CLCA4: variants seen among roughly 807,000 people sequenced by gnomAD.
The protein encoded by CLCA4 is calcium-activated chloride channel regulator 4.
A neutral mutation model predicts 78.9 loss-of-function variants in CLCA4; 69 were observed. The observed-to-expected ratio is 0.87, with a 90% confidence interval of 0.72 to 1.07. The LOEUF is 1.07. CLCA4 is among the 50% of genes least tolerant of loss of function. CLCA4 has a pLI of 0.00. For missense variants in CLCA4, 1,133 were observed against 1,095.8 expected, an observed-to-expected ratio of 1.03 and a Z score of -0.48; for synonymous variants, 362 against 375.8, an observed-to-expected ratio of 0.96 and a Z score of 0.42.
Position 86,574,617 on chromosome 1 carries a change from G to C in CLCA4, c.1545G>C (p.Lys515Asn), listed in dbSNP as rs765750211. ...TCATAATTGATAGTACAGTGGGAAA[G>C]GACACGTTCTTTCTCATCACATGGA... Reference protein sequence around the residue: ...DTVIIDSTVGKDTFFLITWNS... With the variant: ...DTVIIDSTVGNDTFFLITWNS... The change falls in exon 10 of 14, where the codon AAG becomes AAC. Residue 515 changes from lysine (K) to asparagine (N), a missense_variant. By Grantham distance (94) the Lys-to-Asn change is moderately conservative (BLOSUM62 0). Coordinates refer to ENST00000370563, the MANE Select transcript of CLCA4 (RefSeq NM_012128.4). The C allele has an allele frequency of 1.2e-6, 2 of 1,613,160 alleles. No homozygotes were observed. The highest frequency in any genetic ancestry group is 1.7e-6 in the Non-Finnish European group (2 of 1,179,516).
chr1:86,579,948 G>T lies in CLCA4; in HGVS notation c.2363G>T (p.Arg788Leu). 6.3e-7 allele frequency: 1 copy of T among 1,576,778 alleles called. No individual in the cohort carries two copies. Among genetic ancestry groups the T allele is most frequent in the Non-Finnish European group, 8.6e-7 (1 of 1,160,064 alleles). The change falls in exon 14 of 14, where the codon CGT (arginine) becomes CTT (leucine). Residue 788 changes from arginine to leucine, a missense_variant. Transcript: ENST00000370563. ...TGTAACTTTTTTTTCTCAGTTCAAC[G>T]TTATATCATAAGAATAAGTGCAAGT... ...GDNFDVGKVQ[R>L]YIIRISASIL... is the part of the protein sequence containing the mutation.
chr1:86,552,154 A>G (rs1250706761), intron 1 of CLCA4, among the ~76,000 whole-genome samples: 1 of 152,216 alleles, frequency 6.6e-6, no homozygotes, highest in African/African-American at 2.4e-5. Flanking sequence ...TAGAAAAAAT[A>G]TACTTTTAAG....
At chr1:86,570,004 A>G (rs1650301500) in intron 7 of CLCA4, among the ~76,000 whole-genome samples, 1 of 152,046 alleles carries the variant, frequency 6.6e-6, no homozygotes, top group Admixed American at 6.6e-5. Context: ...TACAAATGCC[A>G]TAAATGTATA....
intron 1 of CLCA4, among the ~76,000 whole-genome samples, chr1:86,551,197 G>C (rs1298191604): frequency 2.0e-5 from 3 of 152,032 alleles, no homozygotes; most frequent in African/African-American, 4.8e-5. Context: ...AATATTAATA[G>C]TTTAGCTAAT....
At chr1:86,560,559 C>A (rs1442971299) in intron 3 of CLCA4, among the ~76,000 whole-genome samples, 3 of 152,084 alleles carry the variant, frequency 2.0e-5, no homozygotes, top group Admixed American at 6.6e-5. Context: ...GGAGTTTCTA[C>A]CTTGTAAAAT....
At chr1:86,555,383 G>T (rs548510420) in intron 1 of CLCA4, among the ~76,000 whole-genome samples, 1 of 152,122 alleles carries the variant, frequency 6.6e-6, no homozygotes, top group Non-Finnish European at 1.5e-5. Context: ...TTTTATACAT[G>T]GTGTAAGGAA....
chr1:86,567,139 A>C (rs1050348385), intron 6 of CLCA4, among the ~76,000 whole-genome samples: 1 of 151,882 alleles, frequency 6.6e-6, no homozygotes, highest in African/African-American at 2.4e-5. Context: ...CCTCACCCCA[A>C]TTTCAATGCA....
In CLCA4 at chr1:86,568,693, T is replaced by C. The variant is rs993121138; in HGVS notation, c.1182+1042T>C. On this transcript the variant is annotated intron_variant, in intron 7 of 13. Coordinates refer to ENST00000370563, the MANE Select transcript of CLCA4 (RefSeq NM_012128.4). ...TACACACATTGTTCTCCAAGTCCAC[T>C]GTGTACTAACAGCCTCCAAACCTTT... Among the ~76,000 whole-genome samples, 4 of 151,992 alleles carry C rather than the reference T, an allele frequency of 2.6e-5. No homozygotes were observed. The South Asian group carries it at 8.3e-4, about 31-fold the overall frequency.
chr1:86,564,670 T>C (rs1198708436), intron 4 of CLCA4, among the ~76,000 whole-genome samples: 1 of 152,184 alleles, frequency 6.6e-6, no homozygotes, highest in African/African-American at 2.4e-5. Context: ...CATCTCAGCA[T>C]ATTTGTTGTA....
intron 3 of CLCA4, 22 bp from the exon 4 acceptor site, chr1:86,563,639 T>C (rs1429889704): frequency 8.1e-7 from 1 of 1,227,322 alleles, no homozygotes; most frequent in Non-Finnish European, 1.2e-6. Context: ...TATGATCATG[T>C]ATTTGAAATG....
rs1650659197 is a variant in CLCA4, at chr1:86,580,008, T to A, written c.2423T>A (p.Leu808His). The A allele has an allele frequency of 6.2e-7, 1 of 1,608,450 alleles. No homozygotes were observed. Among genetic ancestry groups the A allele is most frequent in the Non-Finnish European group, 8.5e-7 (1 of 1,175,788 alleles). The change falls in exon 14 of 14, where the codon CTT becomes CAT. Residue 808 changes from leucine (L) to histidine (H), a missense_variant. Leu to His is a moderately conservative substitution (Grantham distance 99). Transcript: ENST00000370563. ...LDLRDSFDDALQVNTTDLSPK... is the reference protein window; with the variant it reads ...LDLRDSFDDAHQVNTTDLSPK... ...CTAAGAGACAGTTTTGATGATGCTC[T>A]TCAAGTAAATACTACTGATCTGTCA...
intron 1 of CLCA4, chr1:86,552,750 C>G (rs922525520): frequency 7.0e-7 from 1 of 1,434,372 alleles, no homozygotes; most frequent in African/African-American, 1.4e-5. Context: ...GCACCCCCAT[C>G]ATGCCTGTCA....
chr1:86,552,531 G>A, intron 1 of CLCA4: 1 of 510,780 alleles, frequency 2.0e-6, no homozygotes, highest in Non-Finnish European at 3.5e-6. Flanking sequence ...AGCAAGGCTG[G>A]GCAGCGGGCG....
chr1:86,565,251 G>A, intron 4 of CLCA4, 23 bp from the exon 5 acceptor site: 1 of 1,543,700 alleles, frequency 6.5e-7, no homozygotes, highest in East Asian at 2.3e-5. Flanking sequence ...TTGCCTCAAA[G>A]ATTAACTGTC....
chr1:86,553,545 G>T (rs1649729204), intron 1 of CLCA4, among the ~76,000 whole-genome samples: 1 of 152,178 alleles, frequency 6.6e-6, no homozygotes, highest in Admixed American at 6.5e-5. Flanking sequence ...GCTTCCCGCC[G>T]CTCAGGGAGG....
intron 8 of CLCA4, among the ~76,000 whole-genome samples, chr1:86,571,594 G>C (rs1219825415): frequency 6.6e-6 from 1 of 152,016 alleles, no homozygotes; most frequent in Non-Finnish European, 1.5e-5. Flanking sequence ...CTTTGAACAG[G>C]TGGTGAATTT....
intron 1 of CLCA4, among the ~76,000 whole-genome samples, chr1:86,559,362 C>A (rs1298411065): frequency 1.3e-5 from 2 of 152,124 alleles, no homozygotes; most frequent in Non-Finnish European, 2.9e-5. Context: ...GGATGAGAAA[C>A]CTCTTCAATG....
At chr1:86,562,540 T>C (rs1269501712) in intron 3 of CLCA4, among the ~76,000 whole-genome samples, 1 of 151,006 alleles carries the variant, frequency 6.6e-6, no homozygotes, top group Non-Finnish European at 1.5e-5. Flanking sequence ...GAACCACAGT[T>C]TGAATAGCAA....
intron 1 of CLCA4, chr1:86,552,888 T>C (rs1649708943): frequency 1.4e-6 from 1 of 697,570 alleles, no homozygotes; most frequent in Non-Finnish European, 2.6e-6. Flanking sequence ...TCCTCTGTTT[T>C]CTTGAGGGCC....
Sources: allele counts gnomAD v4.1 joint callset (sites outside exome capture counted in the v4.1 genomes callset), GRCh38; gene constraint gnomAD v4.1.1; transcripts MANE v1.5; gene names NCBI Gene and HGNC (gene_info 2026-07-23, HGNC 2026-07-21).